Variants in SPINT3 observed in about 807,000 individuals in gnomAD.
The protein encoded by SPINT3 is serine peptidase inhibitor, Kunitz type 3.
Under a neutral mutation model 3.3 loss-of-function variants are expected in SPINT3, and 4 were observed. The ratio of observed to expected loss-of-function variants is 1.22; its 90% CI spans 0.60 to 2.79. SPINT3 has a LOEUF of 2.79. Ranked by LOEUF, SPINT3 falls within the 30% of genes most tolerant of loss-of-function variation. The pLI is 0.01. For missense variants in SPINT3, 97 were observed against 104.3 expected, an observed-to-expected ratio of 0.93 and a Z score of 0.31; for synonymous variants, 30 against 38.6, an observed-to-expected ratio of 0.78 and a Z score of 0.83.
At position 45,512,769 on chromosome 20, in the gene SPINT3, C is replaced by G; in HGVS notation, c.152G>C (p.Arg51Pro). ...ACCAGTTTCAAAGTTGAAAAACCATCGCGTCATGTAGGTTTGACAAGGGCC... is the reference window on the plus strand; with the variant it reads ...ACCAGTTTCAAAGTTGAAAAACCATGGCGTCATGTAGGTTTGACAAGGGCC... ...EKGPCQTYMTRWFFNFETGEC... is the reference protein window; with the variant it reads ...EKGPCQTYMTPWFFNFETGEC... The change falls in exon 2 of 2, where the codon CGA (arginine) becomes CCA (proline). Residue 51 changes from arginine to proline, a missense_variant. Transcript: ENST00000217428. The G allele has an allele frequency of 6.4e-7, 1 of 1,551,702 alleles. No individual in the cohort carries two copies. The highest frequency in any genetic ancestry group is 8.7e-7 in the Non-Finnish European group (1 of 1,146,982).
chr20:45,513,614 G>A (rs763376246), intron 1 of SPINT3, among the ~76,000 whole-genome samples: 7 of 152,160 alleles, frequency 4.6e-5, no homozygotes, highest in African/African-American at 9.7e-5. Context: ...CCTAACACAG[G>A]CCTAGTTCTC....
At chr20:45,515,485 C>A (rs1568980510) in intron 1 of SPINT3, 48 bp downstream of exon 1, 1 of 1,482,062 alleles carries the variant, frequency 6.7e-7, no homozygotes. Context: ...CCCCGCCCCC[C>A]AGCCTGATTC....
intron 1 of SPINT3, 106 bp from the exon 2 acceptor site, chr20:45,512,950 A>T: frequency 1.2e-6 from 1 of 814,302 alleles, no homozygotes; most frequent in Non-Finnish European, 1.9e-6. Context: ...GAGGCCATCC[A>T]CAATGGCTGT....
intron 1 of SPINT3, among the ~76,000 whole-genome samples, chr20:45,514,028 G>A (rs16990299): frequency 0.023 from 3,498 of 152,308 alleles, 334 homozygotes; most frequent in East Asian, 0.19. Flanking sequence ...CAAGGCTGAC[G>A]CTAAGGGTGC....
At chr20:45,513,393 A>G (rs1978789905) in intron 1 of SPINT3, among the ~76,000 whole-genome samples, 2 of 152,338 alleles carry the variant, frequency 1.3e-5, no homozygotes, top group Admixed American at 1.3e-4. Context: ...CAAATGACTT[A>G]TCTCCTTGAC....
intron 1 of SPINT3, among the ~76,000 whole-genome samples, chr20:45,514,359 G>A (rs1347248056): frequency 6.6e-6 from 1 of 152,210 alleles, no homozygotes; most frequent in Non-Finnish European, 1.5e-5. Context: ...TATACTGAGA[G>A]CTTGACATAC....
chr20:45,515,313 C>T (rs960398040), intron 1 of SPINT3, among the ~76,000 whole-genome samples: 1 of 152,182 alleles, frequency 6.6e-6, no homozygotes, highest in Non-Finnish European at 1.5e-5. Context: ...TTCACAAAGG[C>T]AGGGTCTCAG....
rs374168031 is a variant in SPINT3, at chr20:45,512,723, G to A, written c.198C>T (p.Tyr66=). Residue 66 remains tyrosine (Y), a synonymous_variant, in exon 2 of 2, where the codon TAC becomes TAT. Transcript: ENST00000217428. ...FETGECELFA[Y]GGCGGNSNNF... ...TGTTGCTGTTGCCTCCGCAGCCTCC[G>A]TAAGCAAATAACTCACATTCACCAG... 5.2e-4 allele frequency: 812 copies of A among 1,551,636 alleles called. 3 individuals are homozygous for A. The African/African-American group carries it at 9.2e-3, about 18-fold the overall frequency.
intron 1 of SPINT3, among the ~76,000 whole-genome samples, chr20:45,514,781 T>C (rs998019867): frequency 1.6e-4 from 24 of 152,186 alleles, no homozygotes; most frequent in African/African-American, 5.8e-4. Context: ...TAAGAATCTA[T>C]CATTAATAGC....
At chr20:45,515,415 ACT>A in intron 1 of SPINT3, 116 bp downstream of exon 1, 1 of 820,902 alleles carries the variant, frequency 1.2e-6, no homozygotes, top group Non-Finnish European at 2.0e-6. Context: ...AACTGAATTG[ACT>A]CTCAATCCGG....
In SPINT3 at chr20:45,512,561, TCACACACACACA is replaced by T; in HGVS notation, c.*78_*89del. 2.7e-6 allele frequency: 3 copies of T among 1,113,790 alleles called. No homozygotes were observed. Among genetic ancestry groups the T allele is most frequent in the Non-Finnish European group, 3.8e-6 (3 of 791,608 alleles). The allele number at this position is 1,113,790 out of a possible 1,614,324, so 69.0% of individuals were successfully genotyped here. A position where few individuals can be genotyped will look rare whatever the true frequency, so the allele number is the denominator to read the frequency against. On this transcript the variant is annotated 3_prime_UTR_variant, in exon 2 of 2. Transcript: ENST00000217428. ...GGGGGTAGAGGAATGAACCTCTTGT[TCACACACACACA>T]CACACACACACGCAAATGCCTTCTA...
intron 1 of SPINT3, among the ~76,000 whole-genome samples, chr20:45,514,057 C>T (rs922383129): frequency 2.6e-5 from 4 of 152,180 alleles, no homozygotes; most frequent in African/African-American, 9.7e-5. Context: ...GGGGAAGAGG[C>T]AGAATAGCTT....
At position 45,512,852 on chromosome 20, in the gene SPINT3, G is replaced by T; in HGVS notation, c.77-8C>A. 6.5e-7 allele frequency: 1 copy of T among 1,550,264 alleles called. No individual in the cohort carries two copies. Among genetic ancestry groups the T allele is most frequent in the South Asian group, 1.2e-5 (1 of 83,914 alleles). On this transcript the variant is annotated splice_region_variant and splice_polypyrimidine_tract_variant and intron_variant, in intron 1 of 1. Transcript: ENST00000217428. ...GGAGATCCTTGATAGTGTCTGAAGA[G>T]AGAAAGTGGTTGAAGGAGACCAAAC...
Position 45,512,569 on chromosome 20 carries a change from A to G in SPINT3, c.*82T>C. 2 of 977,550 alleles carry G rather than the reference A, an allele frequency of 2.0e-6. No individual in the cohort carries two copies. The highest frequency in any genetic ancestry group is 3.1e-5 in the East Asian group (1 of 32,190). 60.6% of individuals were successfully genotyped at this position (977,550 alleles called of 1,614,324 possible). On this transcript the variant is annotated 3_prime_UTR_variant, in exon 2 of 2. Transcript: ENST00000217428. ...AGGAATGAACCTCTTGTTCACACAC[A>G]CACACACACACACACGCAAATGCCT...
chr20:45,515,511 A>T, intron 1 of SPINT3, 22 bp downstream of exon 1: 2 of 1,478,280 alleles, frequency 1.4e-6, no homozygotes, highest in Non-Finnish European at 1.8e-6. Context: ...CTATTCTTTG[A>T]GATCCCACAT....
rs1368170922 is a variant in SPINT3, at chr20:45,512,642, G to C, written c.*9C>G. 9.0e-6 allele frequency: 14 copies of C among 1,551,118 alleles called. No individual in the cohort carries two copies. In the South Asian group the frequency reaches 1.5e-4, roughly 17 times the overall value. The stretch of plus-strand genomic sequence containing the variant: ...CGAATCCATGGAGGGCTGTGTTCTT[G>C]TTAGAAAATCAGGTGAACTTGCAGA... On this transcript the variant is annotated 3_prime_UTR_variant, in exon 2 of 2. Transcript: ENST00000217428.
chr20:45,514,603 T>C (rs1161314252), intron 1 of SPINT3, among the ~76,000 whole-genome samples: 4 of 152,142 alleles, frequency 2.6e-5, no homozygotes, highest in Non-Finnish European at 5.9e-5. Flanking sequence ...CAGAATCATC[T>C]AGAAGGCTTG....
intron 1 of SPINT3, among the ~76,000 whole-genome samples, chr20:45,514,797 G>A (rs1272018391): frequency 6.6e-6 from 1 of 152,182 alleles, no homozygotes; most frequent in Non-Finnish European, 1.5e-5. Context: ...ATAGCTCCAT[G>A]TACATACATG....
At chr20:45,514,130 G>A (rs1335339556) in intron 1 of SPINT3, among the ~76,000 whole-genome samples, 6 of 152,168 alleles carry the variant, frequency 3.9e-5, no homozygotes, top group Non-Finnish European at 7.3e-5. Context: ...TGCATCATCG[G>A]CCCTTAGACC....
Sources: allele counts gnomAD v4.1 joint callset (sites outside exome capture counted in the v4.1 genomes callset), GRCh38; gene constraint gnomAD v4.1.1; transcripts MANE v1.5; gene names NCBI Gene and HGNC (gene_info 2026-07-23, HGNC 2026-07-21).